The following HDLBP variants were observed in gnomAD, a reference collection of about 807,000 sequenced individuals.
HDLBP encodes the protein high density lipoprotein binding protein, also known as vigilin.
In HDLBP, 30 loss-of-function variants were observed where a neutral mutation model predicts 137.3. That is an observed-to-expected ratio of 0.22 (90% CI 0.16 to 0.30). The LOEUF is 0.30. HDLBP is among the 10% of genes least tolerant of loss of function. The pLI, the probability that HDLBP is intolerant of heterozygous loss-of-function variation, is 1.00. For synonymous variants in HDLBP, 606 were observed against 596.0 expected (o/e 1.02, Z -0.24); for missense variants, 1,119 against 1,667.3 (o/e 0.67, Z 5.73).
At chr2:241,237,668 C>G (rs1323752732) in intron 20 of HDLBP, among the ~76,000 whole-genome samples, 1 of 152,148 alleles carries the variant, frequency 6.6e-6, no homozygotes, top group Non-Finnish European at 1.5e-5. Context: ...TGTCCTTGTT[C>G]TAAGAAAATA....
rs552711636 is a variant in HDLBP, at chr2:241,271,621, G to A, written c.-102-3080C>T. On this transcript the variant is annotated intron_variant, in intron 1 of 27. Transcript: ENST00000310931. ...CCAACTACATATTCAAGGGGCAACA[G>A]TCTTCGAAGAGAATTATCAGTAATA... Among the ~76,000 whole-genome samples the A allele has an allele frequency of 2.6e-5, 4 of 152,218 alleles. 1 individual carries two copies. In the South Asian group the frequency reaches 8.3e-4, roughly 31 times the overall value.
At chr2:241,314,509 G>A (rs1194281038) in intron 1 of HDLBP, among the ~76,000 whole-genome samples, 1 of 152,152 alleles carries the variant, frequency 6.6e-6, no homozygotes, top group African/African-American at 2.4e-5. Context: ...TGAATCTGAG[G>A]ACATAAAACG....
chr2:241,253,820 T>A (rs1166455421), intron 9 of HDLBP, among the ~76,000 whole-genome samples: 1 of 152,184 alleles, frequency 6.6e-6, no homozygotes, highest in Non-Finnish European at 1.5e-5. Context: ...CTGGTCCTCT[T>A]GAGTTGCATA....
Position 241,256,620 on chromosome 2 carries a change from A to G in HDLBP, c.637T>C (p.Leu213=), listed in dbSNP as rs202070759. 4 of 1,614,118 alleles carry G rather than the reference A, an allele frequency of 2.5e-6. No homozygotes were observed. The East Asian group carries it at 8.9e-5, about 36-fold the overall frequency. ...EGIEKARHEV[L]LISAEQDKRA... The stretch of plus-strand genomic sequence containing the variant: ...CTCACCTGCTCGGCAGAGATGAGTA[A>G]GACTTCATGGCGAGCTTTCTCGATG... Residue 213 remains leucine, a synonymous_variant, in exon 6 of 28, where the codon TTA becomes CTA. Coordinates refer to ENST00000310931, the MANE Select transcript of HDLBP (RefSeq NM_005336.6).
chr2:241,295,615 G>A (rs1451853432), intron 1 of HDLBP, among the ~76,000 whole-genome samples: 1 of 152,186 alleles, frequency 6.6e-6, no homozygotes, highest in African/African-American at 2.4e-5. Context: ...ATCTGTGATA[G>A]GCTGAAAAAT....
chr2:241,272,073 T>C lies in HDLBP; in HGVS notation c.-102-3532A>G, dbSNP rs2074088883. ...CCCGCCTTTCATCCAAATTCGGTAC[T>C]TTTCCGTAATGTATTTTTCATCCAC... On this transcript the variant is annotated intron_variant, in intron 1 of 27. Coordinates refer to ENST00000310931, the MANE Select transcript of HDLBP (RefSeq NM_005336.6). The surrounding 1 kb of genome is among the most constrained non-coding windows in gnomAD (Gnocchi z 5.6). 4 of 537,974 alleles carry C rather than the reference T, an allele frequency of 7.4e-6. No individual in the cohort carries two copies. Among genetic ancestry groups the C allele is most frequent in the Non-Finnish European group, 9.5e-6 (4 of 420,800 alleles). 33.3% of individuals were successfully genotyped at this position (537,974 alleles called of 1,614,324 possible). A position where few individuals can be genotyped will look rare whatever the true frequency, so the allele number is the denominator to read the frequency against.
chr2:241,232,433 G>A (rs1024956732), intron 24 of HDLBP, among the ~76,000 whole-genome samples: 26 of 152,204 alleles, frequency 1.7e-4, no homozygotes, highest in African/African-American at 4.8e-4. Flanking sequence ...ACGCGACCAC[G>A]CCTGGCTAAT....
At chr2:241,283,937 T>A (rs1424857730) in intron 1 of HDLBP, among the ~76,000 whole-genome samples, 1 of 152,132 alleles carries the variant, frequency 6.6e-6, no homozygotes, top group Admixed American at 6.5e-5. Context: ...CTGCCTGTGC[T>A]GTATGAATGA....
At chr2:241,282,022 A>G (rs2074626613) in intron 1 of HDLBP, among the ~76,000 whole-genome samples, 2 of 152,238 alleles carry the variant, frequency 1.3e-5, no homozygotes, top group South Asian at 2.1e-4. Flanking sequence ...TTTGTGTTTA[A>G]TGAATAAATT....
Position 241,256,596 on chromosome 2 carries a change from T to A in HDLBP, c.657+4A>T. 6.2e-7 allele frequency: 1 copy of A among 1,613,414 alleles called. No individual in the cohort carries two copies. The highest frequency in any genetic ancestry group is 8.5e-7 in the Non-Finnish European group (1 of 1,179,866). On this transcript the variant is annotated splice_donor_region_variant and intron_variant, in intron 6 of 27. Coordinates refer to ENST00000310931, the MANE Select transcript of HDLBP (RefSeq NM_005336.6). The stretch of plus-strand genomic sequence containing the variant: ...GGGGCACGAGGCACTCACACAGGCC[T>A]CACCTGCTCGGCAGAGATGAGTAAG...
intron 1 of HDLBP, among the ~76,000 whole-genome samples, chr2:241,300,085 C>T (rs753882794): frequency 6.6e-6 from 1 of 152,016 alleles, no homozygotes; most frequent in Non-Finnish European, 1.5e-5. Flanking sequence ...TTCTGGTTCA[C>T]GTTCTTTCAT....
chr2:241,315,618 C>A lies in HDLBP; in HGVS notation c.-151G>T. ...GAAAACCGAGCTCATAAGGTAGGAA[C>A]TGTGGCGAAACAGGGACAAGCCGCC... is the stretch of plus-strand genomic sequence containing the variant. On this transcript the variant is annotated 5_prime_UTR_variant, in exon 1 of 28. Transcript: ENST00000310931. The A allele has an allele frequency of 6.6e-6, 1 of 152,480 alleles. No individual in the cohort carries two copies. Among genetic ancestry groups the A allele is most frequent in the Non-Finnish European group, 1.5e-5 (1 of 68,180 alleles). 9.4% of individuals were successfully genotyped at this position (152,480 alleles called of 1,614,324 possible). A position where few individuals can be genotyped will look rare whatever the true frequency, so the allele number is the denominator to read the frequency against.
At chr2:241,247,659 C>T (rs558555259) in intron 14 of HDLBP, among the ~76,000 whole-genome samples, 4 of 152,276 alleles carry the variant, frequency 2.6e-5, no homozygotes, top group African/African-American at 9.6e-5. Flanking sequence ...TATATGACTC[C>T]TCATGTCACC....
chr2:241,278,633 A>G (rs2074485840), intron 1 of HDLBP, among the ~76,000 whole-genome samples: 1 of 152,170 alleles, frequency 6.6e-6, no homozygotes, highest in African/African-American at 2.4e-5. Context: ...ACCCATTCCT[A>G]ATAGCAACTA....
chr2:241,261,857 C>A (rs769435226), intron 5 of HDLBP, among the ~76,000 whole-genome samples: 3 of 152,210 alleles, frequency 2.0e-5, no homozygotes, highest in Non-Finnish European at 4.4e-5. Context: ...CAGGCCCTCT[C>A]CCATCAAATC....
chr2:241,242,558 G>C lies in HDLBP; in HGVS notation c.2071C>G (p.Pro691Ala). The change falls in exon 17 of 28, where the codon CCC (proline) becomes GCC (alanine). Residue 691 changes from proline to alanine, a missense_variant. By Grantham distance (27) the Pro-to-Ala change is conservative (BLOSUM62 -1). This residue lies in a region of HDLBP where 618 missense variants were observed against 816.7 expected (regional missense o/e 0.76). Coordinates refer to ENST00000310931, the MANE Select transcript of HDLBP (RefSeq NM_005336.6). ...EECGGVHIHF[P>A]VEGSGSDTVV... ...GTGTCGCTTCCTGAACCTTCCACGG[G>C]AAAGTGAATGTGGACCCCGCCGCAC... 1.2e-6 allele frequency: 2 copies of C among 1,614,210 alleles called. No homozygotes were observed. The highest frequency in any genetic ancestry group is 1.7e-6 in the Non-Finnish European group (2 of 1,180,040).
chr2:241,239,840 T>C lies in HDLBP; in HGVS notation c.2392-20A>G, dbSNP rs2149394202. 6.2e-7 allele frequency: 1 copy of C among 1,612,078 alleles called. No homozygotes were observed. Among genetic ancestry groups the C allele is most frequent in the Non-Finnish European group, 8.5e-7 (1 of 1,178,478 alleles). ...ATTATCCTGCAGTGTTAAGAAGAGATGGAAGATAAGCCACCCCATCACGGC... is the reference window on the plus strand; with the variant it reads ...ATTATCCTGCAGTGTTAAGAAGAGACGGAAGATAAGCCACCCCATCACGGC... On this transcript the variant is annotated intron_variant, in intron 18 of 27. Coordinates refer to ENST00000310931, the MANE Select transcript of HDLBP (RefSeq NM_005336.6). This position sits in a 1 kb window ranked among gnomAD's most constrained non-coding sequence, Gnocchi z 4.6.
chr2:241,252,429 T>C (rs566403352), intron 11 of HDLBP, among the ~76,000 whole-genome samples: 1 of 151,772 alleles, frequency 6.6e-6, no homozygotes, highest in East Asian at 2.0e-4. Context: ...TTGAGCCCGG[T>C]AGGCAGAGGT....
Position 241,297,510 on chromosome 2 carries a change from T to C in HDLBP, c.-103+18060A>G, listed in dbSNP as rs140510159. Among the ~76,000 whole-genome samples, 47 of 152,328 alleles carry C rather than the reference T, an allele frequency of 3.1e-4. 1 individual carries two copies. The East Asian group carries it at 8.7e-3, about 28-fold the overall frequency. ...AGACTGTGTTAAAAATACACACGCATGTAGCTGTAGGTATGTTTTGTATAT... is the reference window on the plus strand; with the variant it reads ...AGACTGTGTTAAAAATACACACGCACGTAGCTGTAGGTATGTTTTGTATAT... On this transcript the variant is annotated intron_variant, in intron 1 of 27. Coordinates refer to ENST00000310931, the MANE Select transcript of HDLBP (RefSeq NM_005336.6).
Sources: gnomAD v4.1 joint callset for allele counts (sites outside exome capture counted in the v4.1 genomes callset) on GRCh38, gnomAD v4.1.1 for gene constraint, gnomAD v4.1.1 regional missense constraint, Gnocchi (gnomAD v3.1) non-coding constraint, MANE v1.5 for transcripts, NCBI Gene and HGNC (gene_info 2026-07-23, HGNC 2026-07-21) for gene names.